RPAP2: variants seen among roughly 807,000 people sequenced by gnomAD.
The protein encoded by RPAP2 is RNA polymerase II associated protein 2.
RPAP2 carries 52 observed loss-of-function variants against 73.1 expected under a neutral mutation model. The ratio of observed to expected loss-of-function variants is 0.71; its 90% CI spans 0.57 to 0.90. RPAP2 has a LOEUF of 0.90. RPAP2 is among the 40% of genes least tolerant of loss of function. The pLI is 0.00. For synonymous variants in RPAP2, 225 were observed against 242.1 expected (o/e 0.93, Z 0.65); for missense variants, 598 against 701.8 (o/e 0.85, Z 1.67).
At chr1:92,318,092 T>C (rs540968952) in intron 6 of RPAP2, among the ~76,000 whole-genome samples, 1 of 152,334 alleles carries the variant, frequency 6.6e-6, no homozygotes, top group African/African-American at 2.4e-5. Context: ...CTCTTACTTT[T>C]GTTTTCTTGA....
At position 92,317,789 on chromosome 1, in the gene RPAP2, T is replaced by G. The variant is rs543123188; in HGVS notation, c.489-2810T>G. Among the ~76,000 whole-genome samples the G allele has an allele frequency of 3.3e-5, 5 of 152,354 alleles. No homozygotes were observed. In the South Asian group the frequency reaches 6.2e-4, roughly 19 times the overall value. On this transcript the variant is annotated intron_variant, in intron 6 of 12. Transcript: ENST00000610020. ...CCTTCTTTAAAGATACAATTTTCTT[T>G]TAATTCTCAAAAAATAACAAGTTGT...
intron 12 of RPAP2, among the ~76,000 whole-genome samples, chr1:92,382,936 A>C (rs1423045620): frequency 6.6e-6 from 1 of 152,044 alleles, no homozygotes; most frequent in African/African-American, 2.4e-5. Context: ...ATCTTGAATT[A>C]ATTTTTGTAT....
At chr1:92,363,638 G>A (rs185403534) in intron 11 of RPAP2, 245 of 252,628 alleles carry the variant, frequency 9.7e-4, no homozygotes, top group Non-Finnish European at 1.6e-3. Context: ...ACTTCTATGC[G>A]GATATTTTTC....
chr1:92,347,928 G>A (rs926118995), intron 11 of RPAP2, among the ~76,000 whole-genome samples: 5 of 149,518 alleles, frequency 3.3e-5, no homozygotes, highest in Non-Finnish European at 7.4e-5. Flanking sequence ...TTTTTTCTTT[G>A]AGATGGAGTC....
At chr1:92,309,321 A>G (rs1212224591) in intron 6 of RPAP2, among the ~76,000 whole-genome samples, 1 of 151,844 alleles carries the variant, frequency 6.6e-6, no homozygotes, top group East Asian at 1.9e-4. Context: ...ACATGCCTGT[A>G]GTCTCAGCTA....
rs1209033892 is a variant in RPAP2 at position 92,400,024 on chromosome 1, C to A, written c.*13013C>A. ...CAAACTAAGACTCAATGAGGTTTAT[C>A]TTCCACAAGATCAGCCAGTTTTAGC... On this transcript the variant is annotated 3_prime_UTR_variant, in exon 13 of 13. Coordinates refer to ENST00000610020, the MANE Select transcript of RPAP2 (RefSeq NM_024813.3). The A allele has an allele frequency of 6.6e-6, 1 of 152,192 alleles. No individual in the cohort carries two copies. The highest frequency in any genetic ancestry group is 2.4e-5 in the African/African-American group (1 of 41,448). 9.4% of individuals were successfully genotyped at this position (152,192 alleles called of 1,614,324 possible). A position where few individuals can be genotyped will look rare whatever the true frequency, so the allele number is the denominator to read the frequency against.
At chr1:92,303,681 T>A (rs1254098252) in intron 3 of RPAP2, among the ~76,000 whole-genome samples, 2 of 152,228 alleles carry the variant, frequency 1.3e-5, no homozygotes, top group East Asian at 3.8e-4. Flanking sequence ...AGCTATAGCA[T>A]CACTTCTTCC....
At chr1:92,308,686 G>A (rs1486380516) in intron 6 of RPAP2, among the ~76,000 whole-genome samples, 4 of 152,306 alleles carry the variant, frequency 2.6e-5, no homozygotes, top group Non-Finnish European at 5.9e-5. Context: ...CCAGCCTGGT[G>A]TAGTGGCTCA....
chr1:92,301,205 C>T (rs970646677), intron 2 of RPAP2, among the ~76,000 whole-genome samples: 1 of 152,064 alleles, frequency 6.6e-6, no homozygotes, highest in South Asian at 2.1e-4. Context: ...GAAATTTGGC[C>T]GGATGTGGTG....
At chr1:92,357,063 C>T (rs1654506857) in intron 11 of RPAP2, among the ~76,000 whole-genome samples, 1 of 144,682 alleles carries the variant, frequency 6.9e-6, no homozygotes, top group Admixed American at 7.0e-5. Context: ...AAGACTCTGT[C>T]TCAAAAAAAA....
At chr1:92,300,893 AAAT>A (rs1214119116) in intron 2 of RPAP2, among the ~76,000 whole-genome samples, 2 of 152,142 alleles carry the variant, frequency 1.3e-5, no homozygotes, top group Non-Finnish European at 2.9e-5. Flanking sequence ...ACAGAGGAAT[AAAT>A]AATAATAAAT....
chr1:92,305,784 T>G, intron 5 of RPAP2, among the ~76,000 whole-genome samples: 1 of 152,312 alleles, frequency 6.6e-6, no homozygotes, highest in East Asian at 1.9e-4. Context: ...ACACTGAGTT[T>G]TGTTTTCACA....
At position 92,399,026 on chromosome 1, in the gene RPAP2, C is replaced by T. The variant is rs1032675697; in HGVS notation, c.*12015C>T. On this transcript the variant is annotated 3_prime_UTR_variant, in exon 13 of 13. Coordinates refer to ENST00000610020, the MANE Select transcript of RPAP2 (RefSeq NM_024813.3). ...AGCAAAAATACTGTGTTTTGGAAAA[C>T]ATTACCAATAAAGGAGCTGGGAGGT... 4 of 152,184 alleles carry T rather than the reference C, an allele frequency of 2.6e-5. No individual in the cohort carries two copies. Among genetic ancestry groups the T allele is most frequent in the Non-Finnish European group, 4.4e-5 (3 of 68,044 alleles). The allele number at this position is 152,184 out of a possible 1,614,324, so 9.4% of individuals were successfully genotyped here.
At chr1:92,299,565 G>A (rs1420498221) in intron 1 of RPAP2, among the ~76,000 whole-genome samples, 1 of 152,150 alleles carries the variant, frequency 6.6e-6, no homozygotes, top group East Asian at 1.9e-4. Context: ...CAGAGAGGAC[G>A]TTTGGCAGAC....
chr1:92,384,386 G>C (rs1298950747), intron 12 of RPAP2, among the ~76,000 whole-genome samples: 1 of 151,900 alleles, frequency 6.6e-6, no homozygotes, highest in Non-Finnish European at 1.5e-5. Context: ...CACTTTGGGA[G>C]GCTGAGGCAG....
At chr1:92,374,211 T>C (rs1655295249) in intron 11 of RPAP2, among the ~76,000 whole-genome samples, 1 of 151,932 alleles carries the variant, frequency 6.6e-6, no homozygotes, top group Admixed American at 6.6e-5. Context: ...AGAAAAACCA[T>C]GACTAAGAGG....
intron 12 of RPAP2, among the ~76,000 whole-genome samples, chr1:92,381,261 C>T (rs947582880): frequency 1.3e-5 from 2 of 152,120 alleles, no homozygotes; most frequent in Non-Finnish European, 2.9e-5. Flanking sequence ...TCCTACTGCC[C>T]CTTTCAGTGA....
At chr1:92,386,410 A>G (rs1655865159) in intron 12 of RPAP2, among the ~76,000 whole-genome samples, 1 of 152,176 alleles carries the variant, frequency 6.6e-6, no homozygotes, top group Non-Finnish European at 1.5e-5. Flanking sequence ...CCCTGAACCA[A>G]TTCATGGGGT....
intron 11 of RPAP2, among the ~76,000 whole-genome samples, chr1:92,347,499 C>T (rs1653966066): frequency 6.6e-6 from 1 of 152,150 alleles, no homozygotes; most frequent in Admixed American, 6.5e-5. Context: ...GCTTTCTAAG[C>T]CACTTACTGA....
Sources: gnomAD v4.1 joint callset for allele counts (sites outside exome capture counted in the v4.1 genomes callset) on GRCh38, gnomAD v4.1.1 for gene constraint, MANE v1.5 for transcripts, NCBI Gene and HGNC (gene_info 2026-07-23, HGNC 2026-07-21) for gene names.